The following PLXDC2 variants were observed in gnomAD, a reference collection of about 807,000 sequenced individuals.
PLXDC2 encodes plexin domain containing 2, also known as plexin domain-containing protein 2.
A neutral mutation model predicts 68.9 loss-of-function variants in PLXDC2; 40 were observed. That is an observed-to-expected ratio of 0.58 (90% CI 0.45 to 0.76). PLXDC2 has a LOEUF of 0.76. PLXDC2 is among the 30% of genes least tolerant of loss of function. PLXDC2 has a pLI of 0.00. For synonymous variants in PLXDC2, 243 were observed against 234.2 expected (o/e 1.04, Z -0.34); for missense variants, 644 against 661.9 (o/e 0.97, Z 0.30).
chr10:19,818,285 T>C (rs1836396101), intron 1 of PLXDC2, among the ~76,000 whole-genome samples: 1 of 143,984 alleles, frequency 6.9e-6, no homozygotes, highest in African/African-American at 2.6e-5. Context: ...ATTTAAATGA[T>C]TGCCCGGAAA....
chr10:20,079,824 C>T (rs566672073), intron 4 of PLXDC2, among the ~76,000 whole-genome samples: 1 of 152,192 alleles, frequency 6.6e-6, no homozygotes, highest in Admixed American at 6.5e-5. Context: ...AGGACAAATA[C>T]CTAATGCATA....
chr10:20,194,406 A>G (rs1042788242), intron 9 of PLXDC2, among the ~76,000 whole-genome samples: 1 of 152,054 alleles, frequency 6.6e-6, no homozygotes, highest in Admixed American at 6.6e-5. Flanking sequence ...AACTCTAAAT[A>G]TGAAGGGAAA....
Position 20,248,754 on chromosome 10 carries a change from C to T in PLXDC2, c.1473+3249C>T, listed in dbSNP as rs145590841. ...ATGACCATGGTTTGTGATATGCAGA[C>T]GCGTGGATTTAAGATTTTTGAATTA... On this transcript the variant is annotated intron_variant, in intron 13 of 13. Transcript: ENST00000377252. Among the ~76,000 whole-genome samples the T allele has an allele frequency of 3.0e-4, 45 of 152,216 alleles. No homozygotes were observed. The South Asian group carries it at 3.5e-3, about 12-fold the overall frequency.
At chr10:20,275,490 C>T (rs957008689) in intron 13 of PLXDC2, among the ~76,000 whole-genome samples, 3 of 152,144 alleles carry the variant, frequency 2.0e-5, no homozygotes, top group African/African-American at 4.8e-5. Context: ...TCCATGAGGG[C>T]TCGGGGAGCG....
At chr10:19,926,944 T>C (rs991197649) in intron 1 of PLXDC2, among the ~76,000 whole-genome samples, 9 of 152,202 alleles carry the variant, frequency 5.9e-5, no homozygotes, top group African/African-American at 2.2e-4. Flanking sequence ...ATCATGATTG[T>C]TGTCCTAAGT....
rs746577513 is a variant in PLXDC2, at chr10:20,289,740, A to C, written c.*9921A>C. 8.5e-5 allele frequency: 13 copies of C among 152,278 alleles called. No individual in the cohort carries two copies. The highest frequency in any genetic ancestry group is 1.3e-4 in the Non-Finnish European group (9 of 68,090). 9.4% of individuals were successfully genotyped at this position (152,278 alleles called of 1,614,324 possible). ...TTCCTGTCAGTGGCATTCCCTGAGC[A>C]CTGGCTCTGTACAACTCAATTATAA... On this transcript the variant is annotated 3_prime_UTR_variant, in exon 14 of 14. Transcript: ENST00000377252.
chr10:19,879,088 T>C (rs75670612), intron 1 of PLXDC2, among the ~76,000 whole-genome samples: 9 of 152,198 alleles, frequency 5.9e-5, no homozygotes, highest in African/African-American at 1.7e-4. Flanking sequence ...CAGTGAATCA[T>C]TGCAGAATCT....
chr10:20,100,604 C>T (rs77383899), intron 4 of PLXDC2, among the ~76,000 whole-genome samples: 9 of 152,328 alleles, frequency 5.9e-5, no homozygotes, highest in African/African-American at 2.2e-4. Context: ...CTTCTCCTCT[C>T]TCCCTGATAT....
In PLXDC2 at chr10:20,046,878, G is replaced by C. The variant is rs377313771; in HGVS notation, c.334G>C (p.Asp112His). ...TTATCTATTATTGCAGGAGGATACAGACCACAATTACTATATATCTCGAAT... is the reference window on the plus strand; with the variant it reads ...TTATCTATTATTGCAGGAGGATACACACCACAATTACTATATATCTCGAAT... ...DNNTQIEEDT[D>H]HNYYISRIYG... is the part of the protein sequence containing the mutation. The change falls in exon 3 of 14, where the codon GAC (aspartate) becomes CAC (histidine). Residue 112 changes from aspartate to histidine, a missense_variant. By Grantham distance (81) the Asp-to-His change is moderately conservative. Transcript: ENST00000377252. 22 of 1,609,752 alleles carry C rather than the reference G, an allele frequency of 1.4e-5. No individual in the cohort carries two copies. Among genetic ancestry groups the C allele is most frequent in the Non-Finnish European group, 1.9e-5 (22 of 1,178,174 alleles).
intron 1 of PLXDC2, among the ~76,000 whole-genome samples, chr10:19,939,573 T>C (rs2131396643): frequency 6.6e-6 from 1 of 152,322 alleles, no homozygotes; most frequent in Non-Finnish European, 1.5e-5. Flanking sequence ...TTCCAAGTTA[T>C]ATGCAAGATT....
At chr10:20,218,930 A>T (rs1818628587) in intron 11 of PLXDC2, 134 bp from the exon 12 acceptor site, 1 of 953,790 alleles carries the variant, frequency 1.0e-6, no homozygotes, top group Admixed American at 3.2e-5. Context: ...TTGCACTAGA[A>T]ATTACCACAA....
chr10:20,078,944 GA>G lies in PLXDC2; in HGVS notation c.541+10707del, dbSNP rs1836500196. Among the ~76,000 whole-genome samples the G allele has an allele frequency of 2.0e-5, 3 of 152,040 alleles. No homozygotes were observed. In the South Asian group the frequency reaches 6.2e-4, roughly 32 times the overall value. ...GAAAATAAAATATAACAATGCATTA[GA>G]AGAAAACTAGAGAAGAATTATTTTA... is the stretch of plus-strand genomic sequence containing the variant. On this transcript the variant is annotated intron_variant, in intron 4 of 13. Transcript: ENST00000377252.
At chr10:20,157,712 C>G (rs1014627118) in intron 6 of PLXDC2, among the ~76,000 whole-genome samples, 2 of 152,182 alleles carry the variant, frequency 1.3e-5, no homozygotes, top group Admixed American at 1.3e-4. Context: ...TTTTGTGTAG[C>G]AATTGCAACC....
chr10:20,187,558 ATAACTGTAATTCC>A (rs1471011107), intron 9 of PLXDC2, among the ~76,000 whole-genome samples: 1 of 151,854 alleles, frequency 6.6e-6, no homozygotes, highest in Non-Finnish European at 1.5e-5. Context: ...AGTTATTGAC[ATAACTGTAATTCC>A]TAGCACATAA....
chr10:19,980,152 G>A (rs1733544451), intron 1 of PLXDC2, among the ~76,000 whole-genome samples: 2 of 152,068 alleles, frequency 1.3e-5, no homozygotes. Flanking sequence ...ATTTGATGGT[G>A]TGACTGCATT....
intron 2 of PLXDC2, among the ~76,000 whole-genome samples, chr10:20,030,531 G>T (rs1207151958): frequency 6.6e-6 from 1 of 152,208 alleles, no homozygotes; most frequent in African/African-American, 2.4e-5. Flanking sequence ...AGGAGATGCA[G>T]CAGCCTCTGT....
At chr10:20,240,274 T>A (rs1033849352) in intron 12 of PLXDC2, among the ~76,000 whole-genome samples, 9 of 152,202 alleles carry the variant, frequency 5.9e-5, no homozygotes, top group Non-Finnish European at 1.2e-4. Context: ...TCATTCTTTT[T>A]CTGTGGCTGC....
chr10:20,254,772 GA>G (rs991562968), intron 13 of PLXDC2, among the ~76,000 whole-genome samples: 5 of 151,798 alleles, frequency 3.3e-5, no homozygotes, highest in African/African-American at 1.2e-4. Context: ...TGGGTCACTT[GA>G]AAAAAAGAGA....
intron 1 of PLXDC2, among the ~76,000 whole-genome samples, chr10:19,970,240 G>A (rs1296568174): frequency 2.0e-5 from 3 of 152,300 alleles, no homozygotes; most frequent in African/African-American, 7.2e-5. Flanking sequence ...GGTCATGAAT[G>A]ACTGATTTAT....
Sources: gnomAD v4.1 joint callset for allele counts (sites outside exome capture counted in the v4.1 genomes callset) on GRCh38, gnomAD v4.1.1 for gene constraint, MANE v1.5 for transcripts, NCBI Gene and HGNC (gene_info 2026-07-23, HGNC 2026-07-21) for gene names.